Variants in KLHL32 observed in about 807,000 individuals in gnomAD.
The protein encoded by KLHL32 is kelch-like protein 32.
Under a neutral mutation model 64.8 loss-of-function variants are expected in KLHL32, and 35 were observed. The observed-to-expected ratio is 0.54, with a 90% CI of 0.41 to 0.72. KLHL32 has a LOEUF of 0.72. KLHL32 is among the 30% of genes least tolerant of loss of function. KLHL32 has a pLI of 0.00. For missense variants in KLHL32, 589 were observed against 768.5 expected, an observed-to-expected ratio of 0.77 and a Z score of 2.76; for synonymous variants, 259 against 281.0, an observed-to-expected ratio of 0.92 and a Z score of 0.78.
chr6:96,994,522 C>A, intron 3 of KLHL32: 1 of 985,152 alleles, frequency 1.0e-6, no homozygotes, highest in Non-Finnish European at 1.2e-6. Flanking sequence ...TTTTGAAGCT[C>A]AAGTAATTGT....
chr6:96,921,386 C>T (rs76049071), upstream of KLHL32, among the ~76,000 whole-genome samples: 326 of 152,300 alleles, frequency 2.1e-3, 2 homozygotes, highest in African/African-American at 7.6e-3. Flanking sequence ...GTTACACTGG[C>T]GCTGGCTCCT....
At chr6:97,006,048 T>C (rs570392629) in intron 3 of KLHL32, among the ~76,000 whole-genome samples, 5 of 151,826 alleles carry the variant, frequency 3.3e-5, no homozygotes, top group Admixed American at 3.3e-4. Flanking sequence ...GTGCTGAGTA[T>C]AGGTCCTGAA....
At chr6:96,900,294 G>A in the KLHL32 span, among the ~76,000 whole-genome samples, 2 of 152,140 alleles carry the variant, frequency 1.3e-5, no homozygotes, top group East Asian at 1.9e-4. Context: ...TTCAATATTT[G>A]CATTGTTTTT....
chr6:96,925,709 G>A (rs1206084), intron 1 of KLHL32, among the ~76,000 whole-genome samples: 37,893 of 152,122 alleles, frequency 0.25, 5,016 homozygotes, highest in Non-Finnish European at 0.29. Context: ...ACAGGAATAC[G>A]TTTGTGAATT....
chr6:97,092,683 A>G (rs1562328187), intron 6 of KLHL32, among the ~76,000 whole-genome samples: 2 of 152,200 alleles, frequency 1.3e-5, no homozygotes, highest in South Asian at 4.1e-4. Flanking sequence ...TTGCCAGAGC[A>G]TATATTTAAT....
chr6:97,032,572 A>G (rs1783711504), intron 3 of KLHL32, among the ~76,000 whole-genome samples: 1 of 152,112 alleles, frequency 6.6e-6, no homozygotes, highest in Non-Finnish European at 1.5e-5. Context: ...TTTCCATTTC[A>G]TTAACCCAGA....
chr6:97,095,817 C>T (rs1214516245), intron 6 of KLHL32, among the ~76,000 whole-genome samples: 1 of 152,196 alleles, frequency 6.6e-6, no homozygotes, highest in African/African-American at 2.4e-5. Flanking sequence ...TTGGAAAATA[C>T]ATGTGTTTGA....
At chr6:97,126,580 A>G (rs936787670) in intron 7 of KLHL32, among the ~76,000 whole-genome samples, 1 of 152,066 alleles carries the variant, frequency 6.6e-6, no homozygotes, top group East Asian at 1.9e-4. Context: ...CACAATAGCA[A>G]TTGCACTGAA....
chr6:97,139,247 C>T lies in KLHL32; in HGVS notation c.1828C>T (p.Leu610Phe), dbSNP rs1800420657. 2.5e-6 allele frequency: 4 copies of T among 1,614,010 alleles called. No individual in the cohort carries two copies. The highest frequency in any genetic ancestry group is 2.2e-5 in the East Asian group (1 of 44,864). ...TTTTACATGCCCTAACCTTCAAACTCTTCAAGTGCCTCATCACAGGATTGG... is the reference window on the plus strand; with the variant it reads ...TTTTACATGCCCTAACCTTCAAACTTTTCAAGTGCCTCATCACAGGATTGG... Reference protein sequence around the residue: ...PYFTCPNLQTLQVPHHRIGTI With the variant: ...PYFTCPNLQTFQVPHHRIGTI The change falls in exon 11 of 11, where the codon CTT becomes TTT. Residue 610 changes from leucine (L) to phenylalanine (F), a missense_variant. Physicochemically the swap from Leu to Phe is conservative, Grantham distance 22. This residue lies in a region of KLHL32 where 172 missense variants were observed against 192.0 expected (regional missense o/e 0.90). Transcript: ENST00000369261.
intron 1 of KLHL32, among the ~76,000 whole-genome samples, chr6:96,940,017 A>G (rs888322293): frequency 2.0e-5 from 3 of 152,158 alleles, no homozygotes; most frequent in Non-Finnish European, 4.4e-5. Flanking sequence ...GAGAAACCTG[A>G]TGACTCCTAC....
intron 3 of KLHL32, among the ~76,000 whole-genome samples, chr6:96,998,348 A>G (rs1304352997): frequency 6.6e-6 from 1 of 152,198 alleles, no homozygotes; most frequent in Admixed American, 6.5e-5. Context: ...CTGCAGGAAT[A>G]TTGTCACATT....
intron 3 of KLHL32, among the ~76,000 whole-genome samples, chr6:96,997,447 C>T (rs1778531494): frequency 6.6e-6 from 1 of 152,064 alleles, no homozygotes; most frequent in Non-Finnish European, 1.5e-5. Flanking sequence ...CAGAAAGTGT[C>T]CTATAAAGAC....
chr6:96,929,792 GA>G (rs1189818589), intron 1 of KLHL32, among the ~76,000 whole-genome samples: 1 of 151,616 alleles, frequency 6.6e-6, no homozygotes, highest in Admixed American at 6.6e-5. Context: ...AACTATGTAG[GA>G]AAAAAAACAG....
intron 3 of KLHL32, among the ~76,000 whole-genome samples, chr6:97,005,074 A>G (rs998589335): frequency 6.6e-6 from 1 of 151,976 alleles, no homozygotes; most frequent in Admixed American, 6.6e-5. Context: ...ACTTTTTTGT[A>G]CACCTGGTAG....
At chr6:97,031,545 C>G (rs754196177) in intron 3 of KLHL32, among the ~76,000 whole-genome samples, 5 of 151,868 alleles carry the variant, frequency 3.3e-5, no homozygotes, top group Non-Finnish European at 7.4e-5. Context: ...CCTATGTTGC[C>G]CAGCCTGGTC....
chr6:96,931,269 T>C (rs554557719), intron 1 of KLHL32, among the ~76,000 whole-genome samples: 3 of 152,318 alleles, frequency 2.0e-5, no homozygotes, highest in East Asian at 3.9e-4. Context: ...CAACTCCTTC[T>C]TCTGTGTTGA....
chr6:97,112,761 AT>A (rs201822634), intron 6 of KLHL32, among the ~76,000 whole-genome samples: 6 of 150,648 alleles, frequency 4.0e-5, no homozygotes, highest in African/African-American at 4.9e-5. Context: ...AATTTTTTTA[AT>A]TTTAAAAAAA....
chr6:96,959,571 C>T (rs1773662712), intron 1 of KLHL32, among the ~76,000 whole-genome samples: 1 of 152,122 alleles, frequency 6.6e-6, no homozygotes, highest in South Asian at 2.1e-4. Flanking sequence ...TGAATTAGAG[C>T]CCACCCAGTA....
intron 10 of KLHL32, among the ~76,000 whole-genome samples, chr6:97,137,464 C>G (rs1332070575): frequency 1.3e-5 from 2 of 152,136 alleles, no homozygotes; most frequent in South Asian, 2.1e-4. Flanking sequence ...TAGTAATTTC[C>G]TCCTTTGTGA....
Sources: allele counts gnomAD v4.1 joint callset (sites outside exome capture counted in the v4.1 genomes callset), GRCh38; gene constraint gnomAD v4.1.1; regional missense constraint gnomAD v4.1.1; transcripts MANE v1.5; gene names NCBI Gene and HGNC (gene_info 2026-07-23, HGNC 2026-07-21).